Variants in ADGRA3 observed in about 807,000 individuals in gnomAD.
ADGRA3 encodes the protein G-protein coupled receptor 125.
ADGRA3 carries 56 observed loss-of-function variants against 119.8 expected under a neutral mutation model. That is an observed-to-expected ratio of 0.47 (90% CI 0.38 to 0.58). The LOEUF is 0.58. ADGRA3 is among the 20% of genes least tolerant of loss of function. The pLI, the probability that ADGRA3 is intolerant of heterozygous loss-of-function variation, is 0.00. For missense variants in ADGRA3, 1,516 were observed against 1,649.0 expected, an observed-to-expected ratio of 0.92 and a Z score of 1.40; for synonymous variants, 607 against 623.8, an observed-to-expected ratio of 0.97 and a Z score of 0.40.
At chr4:22,418,992 GC>G (rs1264175349) in intron 12 of ADGRA3, among the ~76,000 whole-genome samples, 3 of 152,160 alleles carry the variant, frequency 2.0e-5, no homozygotes, top group Non-Finnish European at 2.9e-5. Flanking sequence ...TGAAGAGCCA[GC>G]CTAGAGACAC....
intron 1 of ADGRA3, among the ~76,000 whole-genome samples, chr4:22,497,805 T>C (rs894082290): frequency 1.6e-5 from 2 of 121,662 alleles, no homozygotes; most frequent in Non-Finnish European, 3.4e-5. Context: ...TCAGGCCGGG[T>C]GTGGTAGCTC....
At chr4:22,455,823 G>C in intron 3 of ADGRA3, 1 of 1,288,318 alleles carries the variant, frequency 7.8e-7, no homozygotes, top group Non-Finnish European at 1.0e-6. Context: ...GGCATGGCAT[G>C]ACTCGCATCA....
In ADGRA3 at chr4:22,389,301, A is replaced by C. The variant is rs10030549; in HGVS notation, c.2628-118T>G. On this transcript the variant is annotated intron_variant, in intron 17 of 18. Coordinates refer to ENST00000334304, the MANE Select transcript of ADGRA3 (RefSeq NM_145290.4). ...GAAGATTAATTATTATCTTTATTCC[A>C]ATAATAAGCTGAGAGTTAAGTTGGG... The C allele has an allele frequency of 8.1e-3, 5,749 of 710,450 alleles. 239 individuals carry two copies. In the African/African-American group the frequency reaches 0.084, roughly 10 times the overall value. 44.0% of individuals were successfully genotyped at this position (710,450 alleles called of 1,614,324 possible).
At chr4:22,444,928 G>A in intron 6 of ADGRA3, 45 bp downstream of exon 6, 1 of 1,598,534 alleles carries the variant, frequency 6.3e-7, no homozygotes, top group Non-Finnish European at 8.6e-7. Flanking sequence ...ATGGTAGCAA[G>A]TCAAAATATG....
At chr4:22,472,302 G>T (rs1717884280) in intron 2 of ADGRA3, among the ~76,000 whole-genome samples, 1 of 152,124 alleles carries the variant, frequency 6.6e-6, no homozygotes, top group Admixed American at 6.5e-5. Context: ...GTCTTGCTTC[G>T]ACAGGTCCTC....
At chr4:22,455,260 CA>C (rs754943667) in intron 3 of ADGRA3, among the ~76,000 whole-genome samples, 28 of 152,298 alleles carry the variant, frequency 1.8e-4, no homozygotes, top group Non-Finnish European at 3.8e-4. Context: ...GCCTGCAATA[CA>C]ATTCCTTAGA....
At chr4:22,487,137 A>T (rs945351893) in intron 1 of ADGRA3, among the ~76,000 whole-genome samples, 3 of 152,232 alleles carry the variant, frequency 2.0e-5, no homozygotes, top group Non-Finnish European at 4.4e-5. Context: ...GTTCATAAAC[A>T]TTCCTCTAAC....
rs1214945769 is a variant in ADGRA3, at chr4:22,442,759, G to C, written c.811C>G (p.Gln271Glu). The C allele has an allele frequency of 1.9e-5, 31 of 1,610,616 alleles. No individual in the cohort carries two copies. Among genetic ancestry groups the C allele is most frequent in the Non-Finnish European group, 2.6e-5 (31 of 1,177,030 alleles). ...PFQCMASYID[Q>E]DMQVLWYQDG... ...TGATACCACAACACTTGCATGTCCT[G>C]ATCAATATATGAAGCCATGCACTGG... Residue 271 changes from glutamine to glutamate, a missense_variant, in exon 7 of 19, where the codon CAG (glutamine) becomes GAG (glutamate). Coordinates refer to ENST00000334304, the MANE Select transcript of ADGRA3 (RefSeq NM_145290.4).
At chr4:22,514,946 A>G (rs1294720219) in intron 1 of ADGRA3, among the ~76,000 whole-genome samples, 1 of 152,202 alleles carries the variant, frequency 6.6e-6, no homozygotes, top group Non-Finnish European at 1.5e-5. Flanking sequence ...ACTGCAAGGT[A>G]CATAAACAGA....
intron 2 of ADGRA3, among the ~76,000 whole-genome samples, chr4:22,470,115 C>T (rs1159556400): frequency 6.6e-6 from 1 of 152,094 alleles, no homozygotes; most frequent in Non-Finnish European, 1.5e-5. Flanking sequence ...TGCACCAAAC[C>T]TTCATATTAA....
In ADGRA3 at chr4:22,484,434, G is replaced by A. The variant is rs566483381; in HGVS notation, c.258-10591C>T. ...AGCCTGACCAACATGGTGAAACCCC[G>A]TCTCTACTAAGAATACAAAAATTAT... On this transcript the variant is annotated intron_variant, in intron 1 of 18. Coordinates refer to ENST00000334304, the MANE Select transcript of ADGRA3 (RefSeq NM_145290.4). Among the ~76,000 whole-genome samples the A allele has an allele frequency of 5.9e-5, 9 of 152,040 alleles. No individual in the cohort carries two copies. The East Asian group carries it at 1.4e-3, about 23-fold the overall frequency.
chr4:22,398,413 T>C (rs1033815428), intron 16 of ADGRA3, among the ~76,000 whole-genome samples: 16 of 152,150 alleles, frequency 1.1e-4, no homozygotes, highest in African/African-American at 3.4e-4. Context: ...GTTAATAGTA[T>C]GATAAGTACA....
At chr4:22,475,102 T>C (rs1717992082) in intron 1 of ADGRA3, among the ~76,000 whole-genome samples, 1 of 152,196 alleles carries the variant, frequency 6.6e-6, no homozygotes, top group Non-Finnish European at 1.5e-5. Context: ...TTTTAGGAAT[T>C]CCTAAAGTGA....
intron 17 of ADGRA3, among the ~76,000 whole-genome samples, chr4:22,390,974 G>T (rs1463402040): frequency 6.6e-6 from 1 of 152,016 alleles, no homozygotes; most frequent in Non-Finnish European, 1.5e-5. Context: ...GGGCCACGGA[G>T]CACCCCTGCT....
chr4:22,504,530 T>C (rs1187360606), intron 1 of ADGRA3, among the ~76,000 whole-genome samples: 3 of 152,138 alleles, frequency 2.0e-5, no homozygotes, highest in Non-Finnish European at 2.9e-5. Context: ...TAAAACCTTA[T>C]TGTCCTTACC....
In ADGRA3 at chr4:22,459,705, C is replaced by T. The variant is rs374721238; in HGVS notation, c.401+2032G>A. Among the ~76,000 whole-genome samples, 8 of 151,996 alleles carry T rather than the reference C, an allele frequency of 5.3e-5. No individual in the cohort carries two copies. The East Asian group carries it at 9.7e-4, about 18-fold the overall frequency. ...AAACTTAAAGAAGTATATAAGAACC[C>T]CAAAAAACAAGACACAGAGCCCACC... On this transcript the variant is annotated intron_variant, in intron 3 of 18. Coordinates refer to ENST00000334304, the MANE Select transcript of ADGRA3 (RefSeq NM_145290.4).
At chr4:22,491,533 G>A (rs984927090) in intron 1 of ADGRA3, among the ~76,000 whole-genome samples, 6 of 152,110 alleles carry the variant, frequency 3.9e-5, no homozygotes, top group Non-Finnish European at 7.4e-5. Context: ...AGAATCCTCC[G>A]AAGTCAGTTT....
intron 1 of ADGRA3, among the ~76,000 whole-genome samples, chr4:22,479,357 G>GGAGGCT (rs1198598075): frequency 6.6e-6 from 1 of 152,094 alleles, no homozygotes; most frequent in African/African-American, 2.4e-5. Context: ...CAGCTAAGCA[G>GGAGGCT]GAGGCTGAGG....
At chr4:22,495,766 G>A (rs571249284) in intron 1 of ADGRA3, among the ~76,000 whole-genome samples, 25 of 152,162 alleles carry the variant, frequency 1.6e-4, no homozygotes, top group South Asian at 1.4e-3. Flanking sequence ...AAAATTAGCC[G>A]GGCGTGGTGG....
Sources: gnomAD v4.1 joint callset for allele counts (sites outside exome capture counted in the v4.1 genomes callset) on GRCh38, gnomAD v4.1.1 for gene constraint, MANE v1.5 for transcripts, NCBI Gene and HGNC (gene_info 2026-07-23, HGNC 2026-07-21) for gene names.